INPP4B: variants seen among roughly 807,000 people sequenced by gnomAD.
INPP4B encodes the protein inositol polyphosphate-4-phosphatase type II B.
A neutral mutation model predicts 122.5 loss-of-function variants in INPP4B; 55 were observed. The ratio of observed to expected loss-of-function variants is 0.45; its 90% CI spans 0.36 to 0.56. The LOEUF is 0.56. Ranked by LOEUF, INPP4B falls within the 20% of genes least tolerant of loss-of-function variation. The pLI is 0.00. For missense variants in INPP4B, 1,000 were observed against 1,097.7 expected, an observed-to-expected ratio of 0.91 and a Z score of 1.26; for synonymous variants, 403 against 388.7, an observed-to-expected ratio of 1.04 and a Z score of -0.43.
Position 142,551,247 on chromosome 4 carries a change from C to T in INPP4B, c.-190-88521G>A, listed in dbSNP as rs144567451. On this transcript the variant is annotated intron_variant, in intron 2 of 25. Transcript: ENST00000262992. The stretch of plus-strand genomic sequence containing the variant: ...CCATGTGTTTCTGAGGGAGTTGACT[C>T]CATTTTTGGTTACATGGCATGGCAA... 5.0e-3 allele frequency among the ~76,000 whole-genome samples: 762 copies of T among 152,252 alleles called. 5 individuals carry two copies. Among genetic ancestry groups the T allele is most frequent in the African/African-American group, 0.017 (719 of 41,542 alleles).
intron 9 of INPP4B, among the ~76,000 whole-genome samples, chr4:142,289,012 C>G (rs1755137731): frequency 6.6e-6 from 1 of 152,118 alleles, no homozygotes; most frequent in Non-Finnish European, 1.5e-5. Flanking sequence ...TCAAGTTACT[C>G]TTTCTTACTT....
At chr4:142,608,400 A>T (rs1741759948) in intron 2 of INPP4B, among the ~76,000 whole-genome samples, 1 of 152,166 alleles carries the variant, frequency 6.6e-6, no homozygotes, top group Non-Finnish European at 1.5e-5. Context: ...GGCCTAAAAA[A>T]TATCTTTTCT....
chr4:142,768,022 T>A (rs1178289278), intron 1 of INPP4B: 3 of 152,172 alleles, frequency 2.0e-5, no homozygotes, highest in African/African-American at 4.8e-5. Flanking sequence ...TCTGCCATAG[T>A]GATGGCTGAA....
At chr4:142,350,204 G>A (rs892458155) in intron 7 of INPP4B, among the ~76,000 whole-genome samples, 1 of 151,976 alleles carries the variant, frequency 6.6e-6, no homozygotes, top group African/African-American at 2.4e-5. Context: ...GATGTAATTT[G>A]TAATGGTACT....
chr4:142,102,886 A>T (rs1001239076), intron 23 of INPP4B, among the ~76,000 whole-genome samples: 1 of 152,014 alleles, frequency 6.6e-6, no homozygotes, highest in African/African-American at 2.4e-5. Context: ...CTGTCTTTAA[A>T]CATGCATCAA....
intron 2 of INPP4B, among the ~76,000 whole-genome samples, chr4:142,588,557 T>C (rs1736728524): frequency 6.7e-6 from 1 of 149,922 alleles, no homozygotes; most frequent in Non-Finnish European, 1.5e-5. Flanking sequence ...TTTATAATTT[T>C]ATAATATATA....
At chr4:142,543,467 A>G (rs1829172665) in intron 2 of INPP4B, among the ~76,000 whole-genome samples, 1 of 152,220 alleles carries the variant, frequency 6.6e-6, no homozygotes, top group Non-Finnish European at 1.5e-5. Context: ...AAATGAAACG[A>G]AACTTTACTT....
chr4:142,738,490 AG>A (rs1338767052), intron 1 of INPP4B, among the ~76,000 whole-genome samples: 1 of 152,126 alleles, frequency 6.6e-6, no homozygotes, highest in African/African-American at 2.4e-5. Flanking sequence ...GGATAGCATT[AG>A]GAGATACCCC....
At chr4:142,178,505 G>A (rs756769161) in intron 15 of INPP4B, among the ~76,000 whole-genome samples, 1 of 152,146 alleles carries the variant, frequency 6.6e-6, no homozygotes, top group Non-Finnish European at 1.5e-5. Flanking sequence ...AGTGCACATT[G>A]TGGGACTTAC....
chr4:142,714,145 G>T (rs887662929), intron 2 of INPP4B, among the ~76,000 whole-genome samples: 2 of 152,138 alleles, frequency 1.3e-5, no homozygotes, highest in African/African-American at 4.8e-5. Context: ...ATAAAATTCA[G>T]CATTTTCCAA....
intron 8 of INPP4B, 112 bp downstream of exon 8, chr4:142,314,600 G>A: frequency 9.2e-6 from 9 of 980,964 alleles, no homozygotes; most frequent in Non-Finnish European, 1.4e-5. Flanking sequence ...GCCACACCCT[G>A]TTAATGTAAT....
chr4:142,727,131 A>G (rs778153402), intron 1 of INPP4B, among the ~76,000 whole-genome samples: 2 of 152,176 alleles, frequency 1.3e-5, no homozygotes, highest in African/African-American at 2.4e-5. Flanking sequence ...TGATGAAGGA[A>G]GAAAGAGTCC....
chr4:142,828,579 AG>A (rs1325872955), intron 1 of INPP4B, among the ~76,000 whole-genome samples: 1 of 152,224 alleles, frequency 6.6e-6, no homozygotes, highest in Non-Finnish European at 1.5e-5. Flanking sequence ...TTGGAGAAAA[AG>A]TTCCTCAACT....
At chr4:142,695,531 C>T (rs956348164) in intron 2 of INPP4B, among the ~76,000 whole-genome samples, 1 of 152,098 alleles carries the variant, frequency 6.6e-6, no homozygotes, top group African/African-American at 2.4e-5. Flanking sequence ...GCTGTCACTT[C>T]CCTAATATAA....
At chr4:142,030,222 T>A (rs1007038452) in intron 25 of INPP4B, 49 of 1,535,280 alleles carry the variant, frequency 3.2e-5, no homozygotes, top group Non-Finnish European at 4.0e-5. Context: ...AGGATAGAAG[T>A]GTCGAGAAGT....
intron 2 of INPP4B, among the ~76,000 whole-genome samples, chr4:142,699,895 C>G (rs1490554375): frequency 6.6e-6 from 1 of 152,158 alleles, no homozygotes; most frequent in African/African-American, 2.4e-5. Context: ...CTCAACTCCT[C>G]TTGCCTACTC....
chr4:142,459,205 A>ATG (rs1342941639), intron 3 of INPP4B, among the ~76,000 whole-genome samples: 1 of 149,382 alleles, frequency 6.7e-6, no homozygotes, highest in African/African-American at 2.5e-5. Flanking sequence ...TTCACATATT[A>ATG]TGTGGCTTGA....
intron 1 of INPP4B, among the ~76,000 whole-genome samples, chr4:142,800,923 C>T (rs1358224416): frequency 3.9e-5 from 6 of 152,202 alleles, no homozygotes; most frequent in African/African-American, 1.4e-4. Flanking sequence ...AAGGGACTGT[C>T]TGAGAGTCCA....
In INPP4B at chr4:142,676,879, A is replaced by G. The variant is rs138903184; in HGVS notation, c.-191+48960T>C. On this transcript the variant is annotated intron_variant, in intron 2 of 25. Transcript: ENST00000262992. ...AGACTTAAACGTAAGACCTAAAACCATAAAAAACCCTAGAAGAAAACTTAG... is the reference window on the plus strand; with the variant it reads ...AGACTTAAACGTAAGACCTAAAACCGTAAAAAACCCTAGAAGAAAACTTAG... 4.4e-3 allele frequency among the ~76,000 whole-genome samples: 670 copies of G among 150,816 alleles called. 5 individuals carry two copies. Among genetic ancestry groups the G allele is most frequent in the Non-Finnish European group, 7.4e-3 (502 of 67,558 alleles).
Sources: gnomAD v4.1 joint callset for allele counts (sites outside exome capture counted in the v4.1 genomes callset) on GRCh38, gnomAD v4.1.1 for gene constraint, MANE v1.5 for transcripts, NCBI Gene and HGNC (gene_info 2026-07-23, HGNC 2026-07-21) for gene names.